COLEC10: variants seen among roughly 807,000 people sequenced by gnomAD.
COLEC10 encodes collectin-10.
Under a neutral mutation model 28.4 loss-of-function variants are expected in COLEC10, and 22 were observed. That is an observed-to-expected ratio of 0.78 (90% CI 0.55 to 1.11). COLEC10 has a LOEUF of 1.11. Among genes scored for constraint, COLEC10 ranks in the 50% least tolerant of loss-of-function variants. The pLI is 0.00. For missense variants in COLEC10, 361 were observed against 344.1 expected, an observed-to-expected ratio of 1.05 and a Z score of -0.39; for synonymous variants, 125 against 116.1, an observed-to-expected ratio of 1.08 and a Z score of -0.49.
the COLEC10 span, among the ~76,000 whole-genome samples, chr8:118,974,292 A>G: frequency 6.6e-6 from 1 of 152,020 alleles, no homozygotes; most frequent in Non-Finnish European, 1.5e-5. Context: ...CAATACATGA[A>G]GACCTATTTG....
intron 2 of COLEC10, among the ~76,000 whole-genome samples, chr8:119,061,991 G>A (rs1414320518): frequency 6.6e-6 from 1 of 151,952 alleles, no homozygotes; most frequent in Non-Finnish European, 1.5e-5. Flanking sequence ...GATGGGTTTG[G>A]TACATAGAAA....
the COLEC10 span, among the ~76,000 whole-genome samples, chr8:118,969,148 T>G: frequency 2.0e-5 from 3 of 151,878 alleles, no homozygotes; most frequent in Non-Finnish European, 4.4e-5. Flanking sequence ...TTTGGAGATA[T>G]GGGGTCAAGA....
intron 2 of COLEC10, among the ~76,000 whole-genome samples, chr8:119,041,484 A>C (rs1261293225): frequency 6.6e-6 from 1 of 152,222 alleles, no homozygotes; most frequent in Non-Finnish European, 1.5e-5. Flanking sequence ...TAAGTTTGAA[A>C]TATTCATTTT....
intron 3 of COLEC10, among the ~76,000 whole-genome samples, chr8:119,092,066 ATT>A (rs34152820): frequency 0.03 from 3,678 of 124,350 alleles, 58 homozygotes; most frequent in South Asian, 0.11. Flanking sequence ...TCTTGTCCTA[ATT>A]TTTTTTTTTT....
intron 2 of COLEC10, among the ~76,000 whole-genome samples, chr8:119,038,703 TC>T (rs927537152): frequency 1.3e-5 from 2 of 152,344 alleles, no homozygotes; most frequent in Admixed American, 1.3e-4. Context: ...TCTATCACTG[TC>T]ATTCATTTGT....
chr8:119,090,338 C>T (rs1815564440), intron 2 of COLEC10, among the ~76,000 whole-genome samples: 1 of 152,164 alleles, frequency 6.6e-6, no homozygotes, highest in Non-Finnish European at 1.5e-5. Flanking sequence ...GAGTTGGCCT[C>T]ACCAAAATAT....
At chr8:119,030,758 T>G (rs1375578525) in intron 2 of COLEC10, among the ~76,000 whole-genome samples, 1 of 152,224 alleles carries the variant, frequency 6.6e-6, no homozygotes, top group African/African-American at 2.4e-5. Flanking sequence ...TTCCATCCAT[T>G]AATAACTTTC....
chr8:119,049,707 C>A (rs570126805), intron 2 of COLEC10, among the ~76,000 whole-genome samples: 2 of 152,110 alleles, frequency 1.3e-5, no homozygotes, highest in Non-Finnish European at 2.9e-5. Flanking sequence ...AGCCACCTCG[C>A]CTGGCTGGTA....
chr8:119,093,021 A>G (rs1815641747), intron 3 of COLEC10, among the ~76,000 whole-genome samples: 1 of 152,216 alleles, frequency 6.6e-6, no homozygotes, highest in African/African-American at 2.4e-5. Context: ...GAAGAATAGT[A>G]ACATTATGGA....
At chr8:118,991,134 C>G (rs145007416), upstream of COLEC10, among the ~76,000 whole-genome samples, 30 of 152,094 alleles carry the variant, frequency 2.0e-4, no homozygotes, top group African/African-American at 6.3e-4. Flanking sequence ...TATTTGGGGG[C>G]ATTTTTAATA....
chr8:119,008,547 G>A (rs190239101), intron 1 of COLEC10, among the ~76,000 whole-genome samples: 8 of 149,830 alleles, frequency 5.3e-5, no homozygotes, highest in South Asian at 2.1e-4. Context: ...TCAAAAGTTC[G>A]CATCTCTTCA....
chr8:118,974,612 G>T, the COLEC10 span, among the ~76,000 whole-genome samples: 11 of 152,056 alleles, frequency 7.2e-5, no homozygotes, highest in East Asian at 2.1e-3. Context: ...GACTACAGTT[G>T]TTCATTCTCA....
At chr8:119,006,772 A>G (rs146106551) in intron 1 of COLEC10, among the ~76,000 whole-genome samples, 2 of 152,156 alleles carry the variant, frequency 1.3e-5, no homozygotes, top group Admixed American at 6.6e-5. Context: ...TATCACCTGT[A>G]TAACTCCTGT....
rs544863561 is a variant in COLEC10, at chr8:119,051,542, C to T, written n.236-38138C>T. On this transcript the variant is annotated intron_variant and non_coding_transcript_variant, in intron 2 of 6. Coordinates refer to the COLEC10 transcript ENST00000521788. ...TCTGAGACTTGATCACAAGCAAGAG[C>T]GCCTGGCACACAGATGGGGCTGAAT... Among the ~76,000 whole-genome samples, 7 of 152,210 alleles carry T rather than the reference C, an allele frequency of 4.6e-5. No individual in the cohort carries two copies. The South Asian group carries it at 1.2e-3, about 27-fold the overall frequency.
chr8:119,079,116 C>T (rs1378299203), intron 1 of COLEC10, among the ~76,000 whole-genome samples: 2 of 151,982 alleles, frequency 1.3e-5, no homozygotes, highest in South Asian at 4.2e-4. Flanking sequence ...TGTCCTCTTC[C>T]TTGTACCTCT....
chr8:119,072,731 C>T (rs1162935162), intron 1 of COLEC10, among the ~76,000 whole-genome samples: 1 of 152,106 alleles, frequency 6.6e-6, no homozygotes, highest in African/African-American at 2.4e-5. Context: ...CTCCAGAGCA[C>T]ACACCTGAGT....
chr8:119,045,794 T>C (rs975079458), intron 2 of COLEC10, among the ~76,000 whole-genome samples: 2 of 152,222 alleles, frequency 1.3e-5, no homozygotes, highest in Non-Finnish European at 2.9e-5. Context: ...TCTGTTTACA[T>C]GTTTGCTATT....
At chr8:118,957,442 GA>G in the COLEC10 span, among the ~76,000 whole-genome samples, 1 of 152,192 alleles carries the variant, frequency 6.6e-6, no homozygotes, top group Admixed American at 6.5e-5. Context: ...TGGAGGTAGA[GA>G]AAAGAACACA....
At chr8:119,022,284 C>T (rs1167799268) in intron 2 of COLEC10, among the ~76,000 whole-genome samples, 1 of 152,136 alleles carries the variant, frequency 6.6e-6, no homozygotes, top group Non-Finnish European at 1.5e-5. Context: ...AACAAAGAGA[C>T]TGAGCACCCT....
Sources: gnomAD v4.1 joint callset for allele counts (sites outside exome capture counted in the v4.1 genomes callset) on GRCh38, gnomAD v4.1.1 for gene constraint, MANE v1.5 for transcripts, NCBI Gene and HGNC (gene_info 2026-07-23, HGNC 2026-07-21) for gene names.